ZNF407: variants seen among roughly 807,000 people sequenced by gnomAD.
ZNF407 encodes zinc finger protein 407.
In ZNF407, 17 loss-of-function variants were observed where a neutral mutation model predicts 131.2. That is an observed-to-expected ratio of 0.13 (90% confidence interval 0.09 to 0.19). The LOEUF is 0.19. Ranked by LOEUF, ZNF407 falls within the 10% of genes least tolerant of loss-of-function variation. The pLI is 1.00. For synonymous variants in ZNF407, 1,156 were observed against 1,062.0 expected, an observed-to-expected ratio of 1.09 and a Z score of -1.72; for missense variants, 2,681 against 2,830.6, an observed-to-expected ratio of 0.95 and a Z score of 1.20.
chr18:74,881,927 G>A (rs1291144911), intron 6 of ZNF407, among the ~76,000 whole-genome samples: 1 of 152,184 alleles, frequency 6.6e-6, no homozygotes, highest in Non-Finnish European at 1.5e-5. Flanking sequence ...GAAGGTGAAA[G>A]GCACATCTTA....
intron 3 of ZNF407, among the ~76,000 whole-genome samples, chr18:74,661,902 C>T (rs930500273): frequency 4.6e-5 from 7 of 152,066 alleles, no homozygotes; most frequent in Non-Finnish European, 5.9e-5. Context: ...TTTTCGTGGC[C>T]GTATTTGTTT....
intron 3 of ZNF407, among the ~76,000 whole-genome samples, chr18:74,735,617 A>T (rs1374634165): frequency 2.0e-5 from 3 of 152,124 alleles, no homozygotes; most frequent in Non-Finnish European, 2.9e-5. Context: ...TGCACAGGAG[A>T]GTGTCCTTCA....
At position 74,920,778 on chromosome 18, in the gene ZNF407, A is replaced by T. The variant is rs116354661; in HGVS notation, c.5428+86A>T. ...ATAATGCTATTTGTACATTACCATG[A>T]TTTATTGTAATGGAGTAGAGTATGT... On this transcript the variant is annotated intron_variant, in intron 8 of 8. Coordinates refer to ENST00000299687, the MANE Select transcript of ZNF407 (RefSeq NM_017757.3). The T allele has an allele frequency of 1.5e-4, 213 of 1,438,692 alleles. No homozygotes were observed. In the African/African-American group the frequency reaches 2.5e-3, roughly 17 times the overall value. The allele number at this position is 1,438,692 out of a possible 1,614,324, so 89.1% of individuals were successfully genotyped here. A position where few individuals can be genotyped will look rare whatever the true frequency, so the allele number is the denominator to read the frequency against.
chr18:74,933,308 T>G (rs1972004229), intron 8 of ZNF407, among the ~76,000 whole-genome samples: 1 of 152,224 alleles, frequency 6.6e-6, no homozygotes, highest in Non-Finnish European at 1.5e-5. Flanking sequence ...CTTACATTGA[T>G]AAGTATAATT....
chr18:74,932,224 G>C (rs1343681459), intron 8 of ZNF407, among the ~76,000 whole-genome samples: 1 of 152,080 alleles, frequency 6.6e-6, no homozygotes. Context: ...AACATATAAG[G>C]TGTAAGTCAA....
chr18:74,848,344 G>A (rs1294880152), intron 4 of ZNF407, among the ~76,000 whole-genome samples: 4 of 152,184 alleles, frequency 2.6e-5, no homozygotes, highest in African/African-American at 9.6e-5. Context: ...GGAAAGTTTT[G>A]GAGTTTCTTG....
chr18:74,966,979 G>A (rs561705326), intron 8 of ZNF407, among the ~76,000 whole-genome samples: 1 of 152,238 alleles, frequency 6.6e-6, no homozygotes, highest in African/African-American at 2.4e-5. Context: ...GAAAGGTAGA[G>A]GCCAGACACA....
At chr18:74,623,140 G>A (rs1983619237) in intron 1 of ZNF407, among the ~76,000 whole-genome samples, 2 of 85,018 alleles carry the variant, frequency 2.4e-5, no homozygotes, top group African/African-American at 4.0e-5. Context: ...GTGTGTGTCC[G>A]TGTGAATGTG....
At chr18:74,957,179 C>A (rs1203659623) in intron 8 of ZNF407, among the ~76,000 whole-genome samples, 1 of 151,388 alleles carries the variant, frequency 6.6e-6, no homozygotes, top group Admixed American at 6.5e-5. Flanking sequence ...GCCTCCTACC[C>A]TGAGTGCAGC....
At chr18:74,780,731 A>T (rs1297274050) in intron 3 of ZNF407, among the ~76,000 whole-genome samples, 1 of 152,166 alleles carries the variant, frequency 6.6e-6, no homozygotes, top group African/African-American at 2.4e-5. Context: ...CGCATGACGT[A>T]AATAAATTGA....
At chr18:74,611,996 AGAG>A (rs1418586853) in intron 1 of ZNF407, among the ~76,000 whole-genome samples, 3 of 152,204 alleles carry the variant, frequency 2.0e-5, no homozygotes, top group Non-Finnish European at 2.9e-5. Flanking sequence ...AATGTCCATC[AGAG>A]GAGAACAGAT....
chr18:74,872,711 G>C (rs534817574), intron 4 of ZNF407, among the ~76,000 whole-genome samples: 62 of 149,772 alleles, frequency 4.1e-4, no homozygotes, highest in African/African-American at 1.4e-3. Flanking sequence ...AGCTGAGATC[G>C]GGCCACTCTA....
intron 8 of ZNF407, among the ~76,000 whole-genome samples, chr18:74,969,573 A>G (rs754396541): frequency 6.6e-6 from 1 of 152,156 alleles, no homozygotes; most frequent in South Asian, 2.1e-4. Context: ...GGGGGCAGAA[A>G]GGGGTTCCCT....
Position 74,953,896 on chromosome 18 carries a change from G to C in ZNF407, c.5428+33204G>C, listed in dbSNP as rs553561320. Among the ~76,000 whole-genome samples the C allele has an allele frequency of 8.5e-5, 13 of 152,284 alleles. No homozygotes were observed. The South Asian group carries it at 2.7e-3, about 32-fold the overall frequency. ...GTGGCTGGGCTGCTTTATTCTGGGA[G>C]AAAAGTTGAGACCCTAATGGGAGGC... On this transcript the variant is annotated intron_variant, in intron 8 of 8. Transcript: ENST00000299687.
At chr18:75,056,771 G>A (rs1173426938) in intron 8 of ZNF407, among the ~76,000 whole-genome samples, 1 of 152,184 alleles carries the variant, frequency 6.6e-6, no homozygotes, top group East Asian at 1.9e-4. Flanking sequence ...GCTATTGTAA[G>A]AATAATGTAT....
intron 3 of ZNF407, among the ~76,000 whole-genome samples, chr18:74,714,265 A>G (rs1015250554): frequency 6.6e-6 from 1 of 152,214 alleles, no homozygotes; most frequent in East Asian, 1.9e-4. Context: ...CAGCAAAGTC[A>G]CTTCTTATAA....
At chr18:74,624,478 A>C (rs1227603168) in intron 1 of ZNF407, among the ~76,000 whole-genome samples, 1 of 152,170 alleles carries the variant, frequency 6.6e-6, no homozygotes, top group Non-Finnish European at 1.5e-5. Flanking sequence ...TACTGATGTC[A>C]TTCTAGTTCT....
chr18:74,672,165 T>TC (rs749577812), intron 3 of ZNF407, among the ~76,000 whole-genome samples: 15 of 152,060 alleles, frequency 9.9e-5, no homozygotes, highest in Non-Finnish European at 1.9e-4. Context: ...TAACTCACAC[T>TC]CCCAACAGTG....
At chr18:74,686,361 AT>A (rs1307897533) in intron 3 of ZNF407, among the ~76,000 whole-genome samples, 1 of 152,144 alleles carries the variant, frequency 6.6e-6, no homozygotes, top group African/African-American at 2.4e-5. Flanking sequence ...CATAACCCCC[AT>A]AACTCCTGGT....
Sources: allele counts gnomAD v4.1 joint callset (sites outside exome capture counted in the v4.1 genomes callset), GRCh38; gene constraint gnomAD v4.1.1; transcripts MANE v1.5; gene names NCBI Gene and HGNC (gene_info 2026-07-23, HGNC 2026-07-21).